Variants in TPRG1 observed in about 807,000 individuals in gnomAD.
TPRG1 encodes tumor protein p63 regulated 1.
TPRG1 carries 29 observed loss-of-function variants against 29.3 expected under a neutral mutation model. The observed-to-expected ratio is 0.99, with a 90% CI of 0.74 to 1.35. The LOEUF (loss-of-function observed/expected upper bound fraction) is 1.35. TPRG1 is among the 40% of genes most tolerant of loss of function. TPRG1 has a pLI of 0.00. For synonymous variants in TPRG1, 130 were observed against 116.8 expected, an observed-to-expected ratio of 1.11 and a Z score of -0.73; for missense variants, 327 against 335.0, an observed-to-expected ratio of 0.98 and a Z score of 0.19.
At chr3:189,018,747 G>T (rs2152124067) in intron 3 of TPRG1, among the ~76,000 whole-genome samples, 1 of 151,376 alleles carries the variant, frequency 6.6e-6, no homozygotes, top group East Asian at 2.0e-4. Context: ...CTTTAAAGTA[G>T]TTTTTTCCAA....
rs1724360256 is a variant in TPRG1 at position 189,321,967 on chromosome 3, T to A, written c.*1147T>A. The A allele has an allele frequency of 6.6e-6, 1 of 152,104 alleles. No individual in the cohort carries two copies. The highest frequency in any genetic ancestry group is 1.5e-5 in the Non-Finnish European group (1 of 68,000). The allele number at this position is 152,104 out of a possible 1,614,324, so 9.4% of individuals were successfully genotyped here. A position where few individuals can be genotyped will look rare whatever the true frequency, so the allele number is the denominator to read the frequency against. ...CATTGCTCTTTTCCCTCTTATTTCC[T>A]CTTTGTCTCTTCCCGACTTAGATCT... On this transcript the variant is annotated 3_prime_UTR_variant, in exon 6 of 6. Transcript: ENST00000345063.
intron 4 of TPRG1, among the ~76,000 whole-genome samples, chr3:189,266,548 A>G (rs1170349284): frequency 1.3e-5 from 2 of 152,264 alleles, no homozygotes; most frequent in African/African-American, 2.4e-5. Flanking sequence ...AGCCTTAATA[A>G]TGGGAGACAG....
chr3:189,073,484 G>C (rs1403412117), intron 4 of TPRG1, among the ~76,000 whole-genome samples: 2 of 152,144 alleles, frequency 1.3e-5, no homozygotes, highest in Non-Finnish European at 2.9e-5. Context: ...AGAGAACTAA[G>C]TTATTTGAAT....
Position 189,238,798 on chromosome 3 carries a change from G to A in TPRG1, c.368G>A (p.Cys123Tyr). ...GTCACAGACAAGACTCTCTTGATCTGCAAATACGACTTCATCATGCTGAGT... is the reference window on the plus strand; with the variant it reads ...GTCACAGACAAGACTCTCTTGATCTACAAATACGACTTCATCATGCTGAGT... ...LLVTDKTLLI[C>Y]KYDFIMLSCV... The change falls in exon 4 of 6, where the codon TGC becomes TAC. Residue 123 changes from cysteine (C) to tyrosine (Y), a missense_variant. Cys to Tyr is a radical substitution (Grantham distance 194, BLOSUM62 -2). Coordinates refer to ENST00000345063, the MANE Select transcript of TPRG1 (RefSeq NM_198485.4). 1.2e-6 allele frequency: 2 copies of A among 1,613,812 alleles called. No homozygotes were observed. The highest frequency in any genetic ancestry group is 2.2e-5 in the East Asian group (1 of 44,884).
chr3:189,077,456 G>A (rs907067287), intron 4 of TPRG1, among the ~76,000 whole-genome samples: 3 of 152,006 alleles, frequency 2.0e-5, no homozygotes, highest in Non-Finnish European at 4.4e-5. Flanking sequence ...TAACTATGGG[G>A]ATAGAAATCA....
intron 4 of TPRG1, among the ~76,000 whole-genome samples, chr3:189,073,349 A>G (rs1364914972): frequency 2.0e-5 from 3 of 152,232 alleles, no homozygotes; most frequent in Non-Finnish European, 4.4e-5. Context: ...TAACACAGAC[A>G]CATACAAAGT....
chr3:189,235,864 A>G (rs1000472984), intron 3 of TPRG1, among the ~76,000 whole-genome samples: 1 of 152,208 alleles, frequency 6.6e-6, no homozygotes, highest in Admixed American at 6.5e-5. Flanking sequence ...TGTCTTCAAA[A>G]TGAGGGTAAT....
chr3:189,183,577 C>G (rs1022369531), intron 1 of TPRG1, among the ~76,000 whole-genome samples: 3 of 151,942 alleles, frequency 2.0e-5, no homozygotes, highest in African/African-American at 7.3e-5. Flanking sequence ...CGACCACACC[C>G]AAGGGGGCCA....
At chr3:189,138,399 C>T (rs1044909251) in intron 3 of TPRG1, among the ~76,000 whole-genome samples, 8 of 151,622 alleles carry the variant, frequency 5.3e-5, no homozygotes, top group African/African-American at 2.0e-4. Context: ...AACCAACCAA[C>T]AAATACCAGC....
At chr3:189,046,867 A>G (rs1715010985) in intron 4 of TPRG1, among the ~76,000 whole-genome samples, 1 of 152,142 alleles carries the variant, frequency 6.6e-6, no homozygotes, top group African/African-American at 2.4e-5. Context: ...TCAGACTACC[A>G]CCACTAAAAA....
chr3:189,224,931 CTTTTTTT>C (rs139957231), intron 3 of TPRG1, among the ~76,000 whole-genome samples: 228 of 126,960 alleles, frequency 1.8e-3, no homozygotes, highest in African/African-American at 6.2e-3. Context: ...CTTCCTTTTT[CTTTTTTT>C]TTTTTTTTTT....
chr3:189,007,625 T>C (rs1712362323), intron 3 of TPRG1, among the ~76,000 whole-genome samples: 2 of 149,888 alleles, frequency 1.3e-5, no homozygotes, highest in South Asian at 4.3e-4. Context: ...TTATTCACAA[T>C]AGCAAAGACT....
intron 1 of TPRG1, among the ~76,000 whole-genome samples, chr3:189,172,662 G>A (rs530543294): frequency 6.6e-6 from 1 of 152,126 alleles, no homozygotes; most frequent in Non-Finnish European, 1.5e-5. Context: ...GGTTATTTTT[G>A]AATTCATCTG....
chr3:189,026,302 T>A (rs568398259), intron 4 of TPRG1, among the ~76,000 whole-genome samples: 1 of 152,320 alleles, frequency 6.6e-6, no homozygotes, highest in South Asian at 2.1e-4. Flanking sequence ...AGCTCTGGTG[T>A]CTCTTCTTCT....
chr3:189,094,169 A>G (rs147011712), intron 4 of TPRG1, among the ~76,000 whole-genome samples: 1,561 of 152,240 alleles, frequency 0.01, 12 homozygotes, highest in Non-Finnish European at 0.016. Flanking sequence ...AAACAGAGAT[A>G]TTTTTGGGAA....
chr3:189,271,003 A>C (rs1216529371), intron 4 of TPRG1, among the ~76,000 whole-genome samples: 1 of 152,140 alleles, frequency 6.6e-6, no homozygotes, highest in Non-Finnish European at 1.5e-5. Flanking sequence ...CTTGCTCATT[A>C]TTTGATTGGG....
intron 4 of TPRG1, among the ~76,000 whole-genome samples, chr3:189,066,536 A>G (rs917616385): frequency 1.3e-5 from 2 of 152,116 alleles, no homozygotes; most frequent in Non-Finnish European, 2.9e-5. Context: ...AATCAATATG[A>G]TACATCATAT....
chr3:189,187,525 G>A (rs569877185), intron 1 of TPRG1, among the ~76,000 whole-genome samples: 1 of 149,234 alleles, frequency 6.7e-6, no homozygotes, highest in African/African-American at 2.5e-5. Flanking sequence ...CACCATATTG[G>A]TCAGGCTGGT....
At chr3:188,998,550 C>A (rs1187984075) in intron 1 of TPRG1, among the ~76,000 whole-genome samples, 1 of 152,144 alleles carries the variant, frequency 6.6e-6, no homozygotes, top group Non-Finnish European at 1.5e-5. Flanking sequence ...GTGATGTAGT[C>A]TGAATTACAT....
Sources: allele counts gnomAD v4.1 joint callset (sites outside exome capture counted in the v4.1 genomes callset), GRCh38; gene constraint gnomAD v4.1.1; transcripts MANE v1.5; gene names NCBI Gene and HGNC (gene_info 2026-07-23, HGNC 2026-07-21).